RPH3AL: variants seen among roughly 807,000 people sequenced by gnomAD.
RPH3AL encodes rab effector Noc2.
A neutral mutation model predicts 43.1 loss-of-function variants in RPH3AL; 38 were observed. The ratio of observed to expected loss-of-function variants is 0.88; its 90% CI spans 0.68 to 1.15. The LOEUF (loss-of-function observed/expected upper bound fraction) is 1.15. RPH3AL is among the 50% of genes most tolerant of loss of function. RPH3AL has a pLI of 0.00. For missense variants in RPH3AL, 462 were observed against 423.2 expected (o/e 1.09, Z -0.81); for synonymous variants, 189 against 176.3 (o/e 1.07, Z -0.57).
intron 1 of RPH3AL, among the ~76,000 whole-genome samples, chr17:338,355 A>C (rs983009436): frequency 1.3e-5 from 2 of 151,992 alleles, no homozygotes; most frequent in Non-Finnish European, 2.9e-5. Context: ...TCAGATACTC[A>C]GGAGGCTGAG....
At chr17:238,456 G>A (rs1385093435) in intron 7 of RPH3AL, among the ~76,000 whole-genome samples, 3 of 152,234 alleles carry the variant, frequency 2.0e-5, no homozygotes, top group East Asian at 3.9e-4. Flanking sequence ...TGTCCTCGGC[G>A]TTGGAGGCAG....
intron 6 of RPH3AL, among the ~76,000 whole-genome samples, chr17:257,050 G>A (rs1305518417): frequency 1.8e-3 from 44 of 24,016 alleles, no homozygotes; most frequent in Non-Finnish European, 3.5e-3. Context: ...TACTTCCTAT[G>A]AGGGGAGCCG....
At chr17:224,873 C>T (rs149078358) in intron 7 of RPH3AL, among the ~76,000 whole-genome samples, 10,638 of 149,950 alleles carry the variant, frequency 0.071, 533 homozygotes, top group African/African-American at 0.12. Context: ...GACAAAAAAC[C>T]AAACAGTGCA....
chr17:214,394 T>C (rs1308017675), intron 9 of RPH3AL, among the ~76,000 whole-genome samples: 6 of 152,192 alleles, frequency 3.9e-5, no homozygotes, highest in Non-Finnish European at 7.4e-5. Context: ...GTACCGATAA[T>C]AGAACTGGGC....
chr17:233,208 C>G (rs2041272612), intron 7 of RPH3AL, among the ~76,000 whole-genome samples: 1 of 152,188 alleles, frequency 6.6e-6, no homozygotes, highest in East Asian at 1.9e-4. Context: ...CCAGTAGAGC[C>G]TGATCTGAGA....
chr17:314,336 G>C (rs868330120), intron 5 of RPH3AL, among the ~76,000 whole-genome samples: 3 of 151,906 alleles, frequency 2.0e-5, no homozygotes, highest in Non-Finnish European at 4.4e-5. Context: ...GAAGCACACT[G>C]CCAGCTCCCG....
chr17:350,051 G>A (rs910340927), intron 1 of RPH3AL, among the ~76,000 whole-genome samples: 7 of 151,822 alleles, frequency 4.6e-5, no homozygotes, highest in African/African-American at 1.7e-4. Flanking sequence ...GTGTAGGTTT[G>A]CAATTGGACT....
intron 7 of RPH3AL, 85 bp downstream of exon 7, chr17:247,026 A>G: frequency 7.0e-7 from 1 of 1,437,848 alleles, no homozygotes; most frequent in Non-Finnish European, 9.7e-7. Context: ...GGTGCGGGGG[A>G]CTGGCCTTGT....
intron 7 of RPH3AL, among the ~76,000 whole-genome samples, chr17:226,757 C>T (rs2041116212): frequency 6.6e-6 from 1 of 152,226 alleles, no homozygotes; most frequent in African/African-American, 2.4e-5. Context: ...TTGCTGTTGC[C>T]ACCTTTCTCC....
chr17:253,229 G>A (rs1318560972), intron 6 of RPH3AL, among the ~76,000 whole-genome samples: 2 of 152,174 alleles, frequency 1.3e-5, no homozygotes, highest in African/African-American at 4.8e-5. Flanking sequence ...TGGGGGCTGA[G>A]AGTGCTCCCC....
At chr17:244,075 C>T (rs1198489122) in intron 7 of RPH3AL, among the ~76,000 whole-genome samples, 1 of 148,674 alleles carries the variant, frequency 6.7e-6, no homozygotes, top group Non-Finnish European at 1.5e-5. Flanking sequence ...TATTGATCAC[C>T]TTCCTCTATT....
At position 290,163 on chromosome 17, in the gene RPH3AL, G is replaced by A. The variant is rs988997311; in HGVS notation, c.352-8309C>T. 1.3e-5 allele frequency among the ~76,000 whole-genome samples: 2 copies of A among 152,378 alleles called. No individual in the cohort carries two copies. Among genetic ancestry groups the A allele is most frequent in the Admixed American group, 1.3e-4 (2 of 15,306 alleles). On this transcript the variant is annotated intron_variant, in intron 5 of 9. Transcript: ENST00000331302. The surrounding 1 kb of genome is among the most constrained non-coding windows in gnomAD (Gnocchi z 4.2). ...GACCTGCCGGGAAGACAAGCTGCAC[G>A]GAGGCGTGAAGGCACTCGCTCAGCG... is the stretch of plus-strand genomic sequence containing the variant.
At chr17:318,697 C>T (rs370518059) in intron 5 of RPH3AL, among the ~76,000 whole-genome samples, 1 of 152,052 alleles carries the variant, frequency 6.6e-6, no homozygotes, top group Non-Finnish European at 1.5e-5. Flanking sequence ...AAAGGCAAGT[C>T]GAAACTCCAG....
chr17:335,547 C>A (rs12453909), intron 1 of RPH3AL, among the ~76,000 whole-genome samples: 114,127 of 152,006 alleles, frequency 0.75, 43,223 homozygotes, highest in Non-Finnish European at 0.79. Context: ...TGAGCCCCCA[C>A]GTTTGGACAG....
At chr17:243,137 C>A (rs957237441) in intron 7 of RPH3AL, among the ~76,000 whole-genome samples, 1 of 137,050 alleles carries the variant, frequency 7.3e-6, no homozygotes, top group African/African-American at 2.7e-5. Context: ...CCCTCCTCTA[C>A]TGATTGCCCC....
chr17:243,439 TA>T (rs2041637426), intron 7 of RPH3AL, among the ~76,000 whole-genome samples: 1 of 144,012 alleles, frequency 6.9e-6, no homozygotes, highest in African/African-American at 2.6e-5. Context: ...CTCTATTGAT[TA>T]CCTTCCTCTA....
At position 328,641 on chromosome 17, in the gene RPH3AL, G is replaced by A. The variant is rs1220861168; in HGVS notation, c.-36-1062C>T. ...GCACTATTCATGACCGCCAAAAGCA[G>A]AAACAACGAAAATATCCATCAACTG... On this transcript the variant is annotated intron_variant, in intron 2 of 9. Transcript: ENST00000331302. This position sits in a 1 kb window ranked among gnomAD's most constrained non-coding sequence, Gnocchi z 4.2. Among the ~76,000 whole-genome samples the A allele has an allele frequency of 6.6e-6, 1 of 152,118 alleles. No individual in the cohort carries two copies. Among genetic ancestry groups the A allele is most frequent in the Non-Finnish European group, 1.5e-5 (1 of 68,020 alleles).
At chr17:335,173 C>G (rs2044919031) in intron 1 of RPH3AL, among the ~76,000 whole-genome samples, 1 of 152,140 alleles carries the variant, frequency 6.6e-6, no homozygotes, top group African/African-American at 2.4e-5. Context: ...CACTGTGACC[C>G]CCGAGCGACT....
chr17:232,289 C>T (rs1597892479), intron 7 of RPH3AL, among the ~76,000 whole-genome samples: 1 of 152,178 alleles, frequency 6.6e-6, no homozygotes, highest in African/African-American at 2.4e-5. Flanking sequence ...GTAGCGGCCC[C>T]GTCACAGGTT....
Sources: allele counts gnomAD v4.1 joint callset (sites outside exome capture counted in the v4.1 genomes callset), GRCh38; gene constraint gnomAD v4.1.1; non-coding constraint Gnocchi (gnomAD v3.1); transcripts MANE v1.5; gene names NCBI Gene and HGNC (gene_info 2026-07-23, HGNC 2026-07-21).